TTLL5: variants seen among roughly 807,000 people sequenced by gnomAD.
The protein encoded by TTLL5 is tubulin polyglutamylase TTLL5.
A neutral mutation model predicts 168.4 loss-of-function variants in TTLL5; 132 were observed. That is an observed-to-expected ratio of 0.78 (90% CI 0.68 to 0.91). The LOEUF (loss-of-function observed/expected upper bound fraction) is 0.91, where lower values mean the gene tolerates loss of function less well. Among genes scored for constraint, TTLL5 ranks in the 40% least tolerant of loss-of-function variants. TTLL5 has a pLI of 0.00. For missense variants in TTLL5, 1,545 were observed against 1,581.5 expected (o/e 0.98, Z 0.39); for synonymous variants, 546 against 558.6 (o/e 0.98, Z 0.32).
At chr14:75,937,040 C>T (rs1338359663) in intron 31 of TTLL5, among the ~76,000 whole-genome samples, 3 of 152,126 alleles carry the variant, frequency 2.0e-5, no homozygotes, top group African/African-American at 7.2e-5. Flanking sequence ...TATTTAACAT[C>T]TTTAAAATTG....
chr14:75,895,974 A>G (rs1313364647), intron 30 of TTLL5, among the ~76,000 whole-genome samples: 1 of 152,148 alleles, frequency 6.6e-6, no homozygotes, highest in African/African-American at 2.4e-5. Flanking sequence ...AAAAGAGAAA[A>G]GGGCCTACTC....
chr14:75,675,989 A>G (rs921235581), intron 3 of TTLL5, among the ~76,000 whole-genome samples: 4 of 152,204 alleles, frequency 2.6e-5, no homozygotes, highest in Admixed American at 1.3e-4. Flanking sequence ...AGCCAGTGGT[A>G]TAGATTCCAC....
At position 75,954,538 on chromosome 14, in the gene TTLL5, A is replaced by ATT. The variant is rs368697896; in HGVS notation, c.*102_*103dup. The ATT allele has an allele frequency of 1.4e-4, 162 of 1,189,420 alleles. No homozygotes were observed. Among genetic ancestry groups the ATT allele is most frequent in the South Asian group, 1.8e-4 (12 of 65,324 alleles). The allele number at this position is 1,189,420 out of a possible 1,614,324, so 73.7% of individuals were successfully genotyped here. A position where few individuals can be genotyped will look rare whatever the true frequency, so the allele number is the denominator to read the frequency against. On this transcript the variant is annotated 3_prime_UTR_variant, in exon 32 of 32. Transcript: ENST00000298832. ...ACCAGCACTTCAAGGGGTCCATAGT[A>ATT]TTTTTTTTTTTGCTGCCTCAAAGTC...
chr14:75,700,032 G>A (rs1886150170), intron 7 of TTLL5, among the ~76,000 whole-genome samples: 1 of 151,988 alleles, frequency 6.6e-6, no homozygotes, highest in Non-Finnish European at 1.5e-5. Flanking sequence ...TTATGTTTAT[G>A]TTTTAAACAA....
At chr14:75,735,142 C>T in intron 14 of TTLL5, 53 bp from the exon 15 acceptor site, 1 of 1,548,594 alleles carries the variant, frequency 6.5e-7, no homozygotes, top group Non-Finnish European at 8.9e-7. Context: ...GCAGCCAGAC[C>T]TGCTAATTTC....
At chr14:75,741,765 AC>A (rs983690326) in intron 15 of TTLL5, among the ~76,000 whole-genome samples, 13 of 152,044 alleles carry the variant, frequency 8.6e-5, no homozygotes, top group African/African-American at 2.9e-4. Context: ...CCTCTACCCG[AC>A]CCCAAACATT....
At chr14:75,876,404 T>C (rs1057508307) in intron 29 of TTLL5, among the ~76,000 whole-genome samples, 1 of 152,226 alleles carries the variant, frequency 6.6e-6, no homozygotes, top group Non-Finnish European at 1.5e-5. Flanking sequence ...AATTTTTCTG[T>C]CCAGGTAAGC....
At position 75,820,150 on chromosome 14, in the gene TTLL5, T is replaced by C. The variant is rs1404447413; in HGVS notation, c.3315T>C (p.Ser1105=). ...DPQAPENHSS[S]PGSRSLQTGG... Reference sequence around the variant, plus strand: ...AAGCTCCCGAGAATCACTCCAGCTCTCCTGGAAGCAGGTATGTGAAGGGCC... The same window carrying C: ...AAGCTCCCGAGAATCACTCCAGCTCCCCTGGAAGCAGGTATGTGAAGGGCC... The change falls in exon 28 of 32, where the codon TCT becomes TCC. Residue 1105 remains serine (S), a synonymous_variant. Coordinates refer to ENST00000298832, the MANE Select transcript of TTLL5 (RefSeq NM_015072.5). 3 of 1,588,690 alleles carry C rather than the reference T, an allele frequency of 1.9e-6. No homozygotes were observed. The highest frequency in any genetic ancestry group is 4.7e-5 in the East Asian group (2 of 42,592).
At chr14:75,760,045 A>G (rs535366056) in intron 18 of TTLL5, among the ~76,000 whole-genome samples, 2 of 152,208 alleles carry the variant, frequency 1.3e-5, no homozygotes, top group East Asian at 3.9e-4. Flanking sequence ...ACAGATTGGA[A>G]AGGAGGAAGT....
At chr14:75,918,448 A>C (rs545606735) in intron 31 of TTLL5, among the ~76,000 whole-genome samples, 2 of 152,270 alleles carry the variant, frequency 1.3e-5, no homozygotes, top group East Asian at 3.9e-4. Flanking sequence ...CTTGACTGCT[A>C]TAAATAGATA....
At chr14:75,925,975 G>A (rs1286355947) in intron 31 of TTLL5, among the ~76,000 whole-genome samples, 1 of 151,654 alleles carries the variant, frequency 6.6e-6, no homozygotes, top group Non-Finnish European at 1.5e-5. Context: ...AGGCAGGGAG[G>A]TTGCAGTGAG....
At chr14:75,728,729 GC>G (rs1888346474) in intron 12 of TTLL5, among the ~76,000 whole-genome samples, 1 of 152,072 alleles carries the variant, frequency 6.6e-6, no homozygotes, top group Admixed American at 6.6e-5. Context: ...ACCTGAGATT[GC>G]CTAAGGAGAA....
chr14:75,781,827 C>A (rs1023546800), intron 24 of TTLL5, among the ~76,000 whole-genome samples: 19 of 151,966 alleles, frequency 1.3e-4, no homozygotes, highest in African/African-American at 4.3e-4. Flanking sequence ...TGGTGGCAGG[C>A]ACCTGTAAAT....
Position 75,719,843 on chromosome 14 carries a change from T to C in TTLL5, c.934+17T>C. On this transcript the variant is annotated intron_variant, in intron 11 of 31. Coordinates refer to ENST00000298832, the MANE Select transcript of TTLL5 (RefSeq NM_015072.5). ...ATACAACCGGTGAGTACTGGGCCTT[T>C]TTCCTTCTTGACTTCTCTTCTTTGG... 6.2e-7 allele frequency: 1 copy of C among 1,611,500 alleles called. No individual in the cohort carries two copies. Among genetic ancestry groups the C allele is most frequent in the South Asian group, 1.1e-5 (1 of 91,008 alleles).
intron 10 of TTLL5, among the ~76,000 whole-genome samples, chr14:75,719,196 A>G (rs559771771): frequency 2.0e-5 from 3 of 151,848 alleles, no homozygotes; most frequent in African/African-American, 4.9e-5. Context: ...TGTTACCTCA[A>G]AAAAATCAGG....
Position 75,720,695 on chromosome 14 carries a change from G to C in TTLL5, c.1034G>C (p.Ser345Thr), listed in dbSNP as rs1300913858. 6.2e-7 allele frequency: 1 copy of C among 1,613,190 alleles called. No homozygotes were observed. The highest frequency in any genetic ancestry group is 8.5e-7 in the Non-Finnish European group (1 of 1,179,232). ...AAAACCTTTGTTCCTCATCGCAGCAGTTGTTTTGGTAAGGAGACTCAAGAA... is the reference window on the plus strand; with the variant it reads ...AAAACCTTTGTTCCTCATCGCAGCACTTGTTTTGGTAAGGAGACTCAAGAA... ...ACKTFVPHRS[S>T]CFELYGFDVL... Residue 345 changes from serine (S) to threonine (T), a missense_variant, in exon 12 of 32, where the codon AGT becomes ACT. Ser to Thr is a moderately conservative substitution (Grantham distance 58). Transcript: ENST00000298832.
In TTLL5 at chr14:75,942,521, A is replaced by G. The variant is rs960709935; in HGVS notation, c.3824-11903A>G. Among the ~76,000 whole-genome samples, 6 of 152,300 alleles carry G rather than the reference A, an allele frequency of 3.9e-5. 1 individual carries two copies. The highest frequency in any genetic ancestry group is 2.6e-4 in the Admixed American group (4 of 15,308). On this transcript the variant is annotated intron_variant, in intron 31 of 31. Coordinates refer to ENST00000298832, the MANE Select transcript of TTLL5 (RefSeq NM_015072.5). ...TATATGCAAGACAAAGTCCCTCCCC[A>G]TGTGCCTCCAAATGATAAAAGAAAC...
chr14:75,892,134 T>G (rs2032431524), intron 30 of TTLL5, among the ~76,000 whole-genome samples: 1 of 152,214 alleles, frequency 6.6e-6, no homozygotes, highest in African/African-American at 2.4e-5. Context: ...AAGGCTCAGT[T>G]TCAAACAAAA....
At chr14:75,921,228 A>G (rs2033814684) in intron 31 of TTLL5, among the ~76,000 whole-genome samples, 1 of 152,094 alleles carries the variant, frequency 6.6e-6, no homozygotes, top group Non-Finnish European at 1.5e-5. Context: ...TCTTTAGTTT[A>G]ATTAGATCCC....
Sources: allele counts gnomAD v4.1 joint callset (sites outside exome capture counted in the v4.1 genomes callset), GRCh38; gene constraint gnomAD v4.1.1; transcripts MANE v1.5; gene names NCBI Gene and HGNC (gene_info 2026-07-23, HGNC 2026-07-21).